SRGAP3: variants seen among roughly 807,000 people sequenced by gnomAD.
SRGAP3 encodes SLIT-ROBO Rho GTPase-activating protein 3.
Under a neutral mutation model 121.1 loss-of-function variants are expected in SRGAP3, and 39 were observed. The ratio of observed to expected loss-of-function variants is 0.32; its 90% CI spans 0.25 to 0.42. SRGAP3 has a LOEUF of 0.42. SRGAP3 is among the 10% of genes least tolerant of loss of function. SRGAP3 has a pLI of 1.00. For missense variants in SRGAP3, 1,213 were observed against 1,470.6 expected (o/e 0.82, Z 2.86); for synonymous variants, 601 against 570.0 (o/e 1.05, Z -0.77).
At chr3:9,151,378 T>C (rs1166082347) in intron 1 of SRGAP3, among the ~76,000 whole-genome samples, 1 of 152,116 alleles carries the variant, frequency 6.6e-6, no homozygotes, top group Non-Finnish European at 1.5e-5. Context: ...GAAGGGCAGC[T>C]GGAGAGGCAG....
intron 8 of SRGAP3, among the ~76,000 whole-genome samples, chr3:9,055,140 T>C (rs1460286104): frequency 6.6e-6 from 1 of 152,230 alleles, no homozygotes; most frequent in African/African-American, 2.4e-5. Flanking sequence ...AAAACAAATA[T>C]ATAATTTGTC....
intron 1 of SRGAP3, chr3:9,337,681 T>C (rs969894971): frequency 6.6e-6 from 1 of 152,278 alleles, no homozygotes; most frequent in Non-Finnish European, 1.5e-5. Context: ...TCAAGAACTG[T>C]TGAGTCAAAT....
chr3:9,257,621 A>G (rs1173351075), intron 3 of SRGAP3: 1 of 151,964 alleles, frequency 6.6e-6, no homozygotes, highest in Non-Finnish European at 1.5e-5. Flanking sequence ...GGCATAGGAA[A>G]AGAGAGTGGT....
intron 3 of SRGAP3, among the ~76,000 whole-genome samples, chr3:9,302,090 T>G (rs990803108): frequency 2.6e-5 from 4 of 152,196 alleles, no homozygotes; most frequent in Non-Finnish European, 5.9e-5. Flanking sequence ...CAGTGCCTTA[T>G]GTACGTTCAC....
upstream of SRGAP3, among the ~76,000 whole-genome samples, chr3:9,253,843 C>G (rs1037657371): frequency 6.6e-6 from 1 of 152,110 alleles, no homozygotes; most frequent in Non-Finnish European, 1.5e-5. Flanking sequence ...TGGGAGGGGA[C>G]GGAATGGCAA....
chr3:8,999,116 C>A (rs1462407112), intron 18 of SRGAP3, among the ~76,000 whole-genome samples: 1 of 152,176 alleles, frequency 6.6e-6, no homozygotes, highest in Non-Finnish European at 1.5e-5. Context: ...AGGTAAAAAC[C>A]CTGTGGGCTC....
intron 4 of SRGAP3, among the ~76,000 whole-genome samples, chr3:9,077,238 C>T (rs1947016904): frequency 6.6e-6 from 1 of 151,936 alleles, no homozygotes; most frequent in African/African-American, 2.4e-5. Flanking sequence ...CTCCCTCCTC[C>T]CTCCTTTGCT....
intron 1 of SRGAP3, among the ~76,000 whole-genome samples, chr3:9,197,016 G>C (rs901005157): frequency 6.6e-6 from 1 of 152,168 alleles, no homozygotes; most frequent in Non-Finnish European, 1.5e-5. Context: ...CCCATTCAAA[G>C]ATGCACAACA....
chr3:9,324,976 C>G (rs1247644032), intron 3 of SRGAP3, among the ~76,000 whole-genome samples: 1 of 151,344 alleles, frequency 6.6e-6, no homozygotes, highest in Non-Finnish European at 1.5e-5. Flanking sequence ...AAAATTCCCC[C>G]TTTTTGGCCA....
intron 5 of SRGAP3, among the ~76,000 whole-genome samples, chr3:9,061,852 A>T (rs1211071700): frequency 6.6e-6 from 1 of 152,140 alleles, no homozygotes; most frequent in African/African-American, 2.4e-5. Flanking sequence ...CTGGGAATGG[A>T]GCAGGAAAGA....
chr3:9,253,898 G>A (rs989645087), upstream of SRGAP3, among the ~76,000 whole-genome samples: 1 of 152,170 alleles, frequency 6.6e-6, no homozygotes, highest in Non-Finnish European at 1.5e-5. Context: ...GGAAATACGT[G>A]GATAAGCAGA....
At chr3:9,181,143 T>A (rs112216703) in intron 1 of SRGAP3, among the ~76,000 whole-genome samples, 50 of 152,212 alleles carry the variant, frequency 3.3e-4, no homozygotes, top group African/African-American at 1.2e-3. Flanking sequence ...CCTATACTTC[T>A]CAGGGCTGCT....
At chr3:9,310,289 C>G (rs1476630440) in intron 3 of SRGAP3, among the ~76,000 whole-genome samples, 1 of 152,170 alleles carries the variant, frequency 6.6e-6, no homozygotes, top group Non-Finnish European at 1.5e-5. Context: ...AATGTCCAAT[C>G]TAGTGGATGC....
chr3:9,045,728 C>T (rs1945237659), intron 10 of SRGAP3, among the ~76,000 whole-genome samples: 2 of 152,176 alleles, frequency 1.3e-5, no homozygotes, highest in South Asian at 4.1e-4. Flanking sequence ...GGCCACTGCA[C>T]CAGGCCCAGG....
intron 3 of SRGAP3, among the ~76,000 whole-genome samples, chr3:9,272,649 G>C (rs1440436113): frequency 6.6e-6 from 1 of 152,048 alleles, no homozygotes; most frequent in African/African-American, 2.4e-5. Flanking sequence ...AACAAAATTT[G>C]ATACATCAAT....
At chr3:9,286,692 T>C (rs111435770) in intron 3 of SRGAP3, among the ~76,000 whole-genome samples, 10,337 of 150,840 alleles carry the variant, frequency 0.069, 1,186 homozygotes, top group African/African-American at 0.23. Flanking sequence ...AAGCTTCGCC[T>C]CCCGGGTTCC....
At chr3:9,273,790 A>ATT (rs36045665) in intron 3 of SRGAP3, among the ~76,000 whole-genome samples, 3,818 of 138,776 alleles carry the variant, frequency 0.028, 167 homozygotes, top group African/African-American at 0.093. Context: ...GTTCAACTTC[A>ATT]TTTTTTTTTT....
intron 3 of SRGAP3, among the ~76,000 whole-genome samples, chr3:9,271,507 A>G (rs922831995): frequency 2.6e-5 from 4 of 152,054 alleles, no homozygotes; most frequent in Admixed American, 1.3e-4. Context: ...CCCTGTGGAT[A>G]ATTCAGAAGG....
At chr3:9,114,814 GT>G (rs1948747447) in intron 2 of SRGAP3, among the ~76,000 whole-genome samples, 1 of 152,226 alleles carries the variant, frequency 6.6e-6, no homozygotes, top group Non-Finnish European at 1.5e-5. Context: ...CTTCCTGATT[GT>G]TTGGTGCCTG....
Sources: allele counts gnomAD v4.1 joint callset (sites outside exome capture counted in the v4.1 genomes callset), GRCh38; gene constraint gnomAD v4.1.1; transcripts MANE v1.5; gene names NCBI Gene and HGNC (gene_info 2026-07-23, HGNC 2026-07-21).